The following SP1 variants were observed in gnomAD, a reference collection of about 807,000 sequenced individuals.
The protein encoded by SP1 is Sp1 transcription factor.
In SP1, 6 loss-of-function variants were observed where a neutral mutation model predicts 66.3. The ratio of observed to expected loss-of-function variants is 0.09; its 90% CI spans 0.05 to 0.18. The LOEUF (loss-of-function observed/expected upper bound fraction) is 0.18, where lower values mean the gene tolerates loss of function less well. SP1 is among the 10% of genes least tolerant of loss of function. The probability of loss-of-function intolerance (pLI) is 1.00; values close to 1 mark genes in which losing one functional copy is unlikely to be tolerated. For missense variants in SP1, 848 were observed against 964.5 expected (o/e 0.88, Z 1.60); for synonymous variants, 417 against 360.8 (o/e 1.16, Z -1.77).
chr12:53,388,604 G>T (rs1249462985), intron 3 of SP1, among the ~76,000 whole-genome samples: 1 of 152,072 alleles, frequency 6.6e-6, no homozygotes, highest in Non-Finnish European at 1.5e-5. Context: ...TAATTGATAT[G>T]ACTTCATCCT....
At chr12:53,397,236 C>T (rs1938510621) in intron 3 of SP1, among the ~76,000 whole-genome samples, 1 of 151,870 alleles carries the variant, frequency 6.6e-6, no homozygotes, top group African/African-American at 2.4e-5. Context: ...ATCTCAAACT[C>T]CTGACCTCAA....
At position 53,409,342 on chromosome 12, in the gene SP1, A is replaced by G. The variant is rs1938827528; in HGVS notation, c.1845-20A>G. ...GTTTTCTCTAGAATGAATGATTAAC[A>G]GTTGTGTCCTCACTTTCAGGGGCTC... On this transcript the variant is annotated intron_variant, in intron 4 of 5. Coordinates refer to ENST00000327443, the MANE Select transcript of SP1 (RefSeq NM_138473.3). 5 of 1,603,324 alleles carry G rather than the reference A, an allele frequency of 3.1e-6. No individual in the cohort carries two copies. Among genetic ancestry groups the G allele is most frequent in the Non-Finnish European group, 4.3e-6 (5 of 1,172,016 alleles).
At chr12:53,383,906 G>A (rs932865445) in intron 3 of SP1, among the ~76,000 whole-genome samples, 1 of 152,062 alleles carries the variant, frequency 6.6e-6, no homozygotes, top group African/African-American at 2.4e-5. Flanking sequence ...CAAGCTTTCT[G>A]TAAAGGGCCA....
At chr12:53,387,900 G>C (rs1187707446) in intron 3 of SP1, among the ~76,000 whole-genome samples, 1 of 151,714 alleles carries the variant, frequency 6.6e-6, no homozygotes, top group African/African-American at 2.4e-5. Context: ...GCAGGAGAAT[G>C]ATGTGAACCT....
chr12:53,380,253 C>CCCCCCCCCGGCCCCCCGGGGGGGG lies in SP1; in HGVS notation c.-39_-38insCCCCCCCCGGCCCCCCGGGGGGGG. The CCCCCCCCCGGCCCCCCGGGGGGGG allele has an allele frequency of 6.6e-7, 1 of 1,522,878 alleles. No homozygotes were observed. The highest frequency in any genetic ancestry group is 9.1e-7 in the Non-Finnish European group (1 of 1,099,982). The allele number at this position is 1,522,878 out of a possible 1,614,324, so 94.3% of individuals were successfully genotyped here. A position where few individuals can be genotyped will look rare whatever the true frequency, so the allele number is the denominator to read the frequency against. On this transcript the variant is annotated 5_prime_UTR_variant, in exon 1 of 6. Coordinates refer to ENST00000327443, the MANE Select transcript of SP1 (RefSeq NM_138473.3). ...TTTTCCCGGCCCCCCCCAACCCCCC[C>CCCCCCCCCGGCCCCCCGGGGGGGG]GGACAGGACCCCCTTGAGCTTGTCC...
At position 53,383,517 on chromosome 12, in the gene SP1, T is replaced by A. The variant is rs751854096; in HGVS notation, c.1570T>A (p.Ser524Thr). 1.0e-4 allele frequency: 163 copies of A among 1,614,022 alleles called. 1 individual carries two copies. The South Asian group carries it at 1.7e-3, about 17-fold the overall frequency. ...GTVTVNAAQL[S>T]SMPGLQTINL... ...AGTCACTGTGAATGCTGCTCAACTC[T>A]CCTCCATGCCAGGCCTCCAGACCAT... The change falls in exon 3 of 6, where the codon TCC (serine) becomes ACC (threonine). Residue 524 changes from serine to threonine, a missense_variant. Coordinates refer to ENST00000327443, the MANE Select transcript of SP1 (RefSeq NM_138473.3).
At chr12:53,387,606 A>T (rs1938259558) in intron 3 of SP1, among the ~76,000 whole-genome samples, 1 of 152,218 alleles carries the variant, frequency 6.6e-6, no homozygotes, top group Admixed American at 6.5e-5. Flanking sequence ...TCACTTAATG[A>T]GACAACAGCC....
rs553063915 is a variant in SP1, at chr12:53,382,012, C to T, written c.163-98C>T. 3.6e-5 allele frequency: 46 copies of T among 1,269,276 alleles called. No homozygotes were observed. In the African/African-American group the frequency reaches 6.1e-4, roughly 17 times the overall value. The allele number at this position is 1,269,276 out of a possible 1,614,324, so 78.6% of individuals were successfully genotyped here. On this transcript the variant is annotated intron_variant, in intron 2 of 5. Coordinates refer to ENST00000327443, the MANE Select transcript of SP1 (RefSeq NM_138473.3). ...AGCTTTTTGTTTCTGTTTTTTGCTCCTTGTCTGCACTACGTTGCTGTTTAT... is the reference window on the plus strand; with the variant it reads ...AGCTTTTTGTTTCTGTTTTTTGCTCTTTGTCTGCACTACGTTGCTGTTTAT...
chr12:53,382,915 A>G lies in SP1; in HGVS notation c.968A>G (p.Asn323Ser), dbSNP rs770312059. 4.3e-6 allele frequency: 7 copies of G among 1,614,010 alleles called. No homozygotes were observed. The highest frequency in any genetic ancestry group is 5.9e-6 in the Non-Finnish European group (7 of 1,180,018). ...GCCAGTTCCAGCTCCTTTTTCACCA[A>G]TGCCAATAGCTACTCAACTACTACT... ...SQASSSSFFT[N>S]ANSYSTTTTT... The change falls in exon 3 of 6, where the codon AAT (asparagine) becomes AGT (serine). Residue 323 changes from asparagine to serine, a missense_variant. By Grantham distance (46) the Asn-to-Ser change is conservative. Transcript: ENST00000327443.
Position 53,382,302 on chromosome 12 carries a change from A to G in SP1, c.355A>G (p.Thr119Ala), listed in dbSNP as rs972257009. The change falls in exon 3 of 6, where the codon ACC (threonine) becomes GCC (alanine). Residue 119 changes from threonine (T) to alanine (A), a missense_variant. Physicochemically the swap from Thr to Ala is moderately conservative, Grantham distance 58 (BLOSUM62 0). Around this residue, in one of 7 missense-constraint regions of SP1, gnomAD observed 606 missense variants for 589.9 expected, o/e 1.03. Coordinates refer to ENST00000327443, the MANE Select transcript of SP1 (RefSeq NM_138473.3). ...CTCTTCCTCCTCTGGGGCTACCCCT[A>G]CCTCAAAGGAACAGAGTGGCAGCAG... ...IISSSSGATPTSKEQSGSSTN... is the reference protein window; with the variant it reads ...IISSSSGATPASKEQSGSSTN... The G allele has an allele frequency of 1.2e-6, 2 of 1,614,190 alleles. No homozygotes were observed. Among genetic ancestry groups the G allele is most frequent in the Non-Finnish European group, 8.5e-7 (1 of 1,180,012 alleles).
chr12:53,385,260 C>T (rs2136891950), intron 3 of SP1, among the ~76,000 whole-genome samples: 1 of 151,582 alleles, frequency 6.6e-6, no homozygotes, highest in South Asian at 2.1e-4. Context: ...CATCACTGCA[C>T]TCCAGCCTGG....
chr12:53,380,836 A>C (rs561224466), intron 1 of SP1, among the ~76,000 whole-genome samples: 1 of 150,292 alleles, frequency 6.7e-6, no homozygotes, highest in South Asian at 2.1e-4. Flanking sequence ...TCTGACTACT[A>C]ACCTGTAGAT....
rs1326246380 is a variant in SP1, at chr12:53,412,797, A to G, written c.*1557A>G. On this transcript the variant is annotated 3_prime_UTR_variant, in exon 6 of 6. Transcript: ENST00000327443. Reference sequence around the variant, plus strand: ...CAAAAATTATAACGGCAGGGAACCTAGTGCATTTGGCACTGAGATTTAAAT... The same window carrying G: ...CAAAAATTATAACGGCAGGGAACCTGGTGCATTTGGCACTGAGATTTAAAT... The G allele has an allele frequency of 6.6e-6, 1 of 152,628 alleles. No homozygotes were observed. Among genetic ancestry groups the G allele is most frequent in the African/African-American group, 2.4e-5 (1 of 41,448 alleles). 9.5% of individuals were successfully genotyped at this position (152,628 alleles called of 1,614,324 possible).
intron 3 of SP1, among the ~76,000 whole-genome samples, chr12:53,384,604 G>GT (rs1044909593): frequency 6.6e-6 from 1 of 151,978 alleles, no homozygotes; most frequent in Non-Finnish European, 1.5e-5. Flanking sequence ...TGTTTTGTAT[G>GT]TTTTTTTTCC....
Position 53,412,928 on chromosome 12 carries a change from CTCTGTG to C in SP1, c.*1690_*1695del, listed in dbSNP as rs1165547359. The C allele has an allele frequency of 2.6e-5, 3 of 116,900 alleles. No individual in the cohort carries two copies. The highest frequency in any genetic ancestry group is 3.3e-4 in the South Asian group (1 of 3,038). The allele number at this position is 116,900 out of a possible 1,614,324, so 7.2% of individuals were successfully genotyped here. On this transcript the variant is annotated 3_prime_UTR_variant, in exon 6 of 6. Coordinates refer to ENST00000327443, the MANE Select transcript of SP1 (RefSeq NM_138473.3). ...ACTGTGAGGAAGTGTGGAAAAATAG[CTCTGTG>C]TGTGTGTGTGTGTGTGTGTGTGTGT... is the stretch of plus-strand genomic sequence containing the variant.
At chr12:53,381,077 G>C (rs1938086165) in intron 1 of SP1, among the ~76,000 whole-genome samples, 1 of 150,314 alleles carries the variant, frequency 6.7e-6, no homozygotes, top group Non-Finnish European at 1.5e-5. Context: ...TCAGCCTCCG[G>C]GAGTAGCTGG....
intron 3 of SP1, among the ~76,000 whole-genome samples, chr12:53,399,427 G>A (rs1359959524): frequency 6.6e-6 from 1 of 150,466 alleles, no homozygotes; most frequent in Non-Finnish European, 1.5e-5. Flanking sequence ...TCCGCCTCGC[G>A]AGTTCACGCC....
intron 3 of SP1, among the ~76,000 whole-genome samples, chr12:53,391,443 G>C (rs1340875629): frequency 7.1e-6 from 1 of 141,844 alleles, no homozygotes; most frequent in Non-Finnish European, 1.5e-5. Flanking sequence ...TCCTCCTTCA[G>C]CCTCCCGAGT....
chr12:53,398,484 T>C (rs958999952), intron 3 of SP1, among the ~76,000 whole-genome samples: 7 of 152,214 alleles, frequency 4.6e-5, no homozygotes, highest in Non-Finnish European at 8.8e-5. Flanking sequence ...GGTTTCACCA[T>C]GTTGGCCAGG....
Sources: allele counts gnomAD v4.1 joint callset (sites outside exome capture counted in the v4.1 genomes callset), GRCh38; gene constraint gnomAD v4.1.1; regional missense constraint gnomAD v4.1.1; transcripts MANE v1.5; gene names NCBI Gene and HGNC (gene_info 2026-07-23, HGNC 2026-07-21).